KCNH7: variants seen among roughly 807,000 people sequenced by gnomAD.
The protein encoded by KCNH7 is potassium voltage-gated channel subfamily H member 7.
Under a neutral mutation model 120.8 loss-of-function variants are expected in KCNH7, and 49 were observed. That is an observed-to-expected ratio of 0.41 (90% CI 0.32 to 0.51). The LOEUF is 0.51. KCNH7 is among the 20% of genes least tolerant of loss of function. The probability of loss-of-function intolerance (pLI) is 0.38; values close to 1 mark genes in which losing one functional copy is unlikely to be tolerated. For synonymous variants in KCNH7, 547 were observed against 516.1 expected, an observed-to-expected ratio of 1.06 and a Z score of -0.81; for missense variants, 1,097 against 1,446.6, an observed-to-expected ratio of 0.76 and a Z score of 3.92.
intron 6 of KCNH7, among the ~76,000 whole-genome samples, chr2:162,471,991 G>A (rs1689554897): frequency 6.6e-6 from 1 of 152,178 alleles, no homozygotes; most frequent in African/African-American, 2.4e-5. Context: ...ATGGAGAAAG[G>A]ATTCCCTATT....
intron 2 of KCNH7, among the ~76,000 whole-genome samples, chr2:162,782,033 G>A (rs1211691776): frequency 6.6e-6 from 1 of 152,122 alleles, no homozygotes; most frequent in Non-Finnish European, 1.5e-5. Flanking sequence ...ATTAGACCTT[G>A]CATTCATGAC....
At chr2:162,701,845 A>T (rs772946729) in intron 2 of KCNH7, among the ~76,000 whole-genome samples, 14 of 152,168 alleles carry the variant, frequency 9.2e-5, no homozygotes, top group Non-Finnish European at 1.9e-4. Flanking sequence ...CATCTCTACT[A>T]AAAATACAAA....
chr2:162,533,921 A>G (rs767599453), intron 3 of KCNH7, among the ~76,000 whole-genome samples: 13 of 151,538 alleles, frequency 8.6e-5, no homozygotes, highest in Non-Finnish European at 1.8e-4. Flanking sequence ...CAAATAATAA[A>G]CCACGGGCAA....
intron 6 of KCNH7, among the ~76,000 whole-genome samples, chr2:162,484,941 A>G (rs1464432333): frequency 6.6e-6 from 1 of 152,168 alleles, no homozygotes; most frequent in African/African-American, 2.4e-5. Context: ...CCAGCCATCC[A>G]GAATCATGAG....
chr2:162,737,386 A>G (rs1005921093), intron 2 of KCNH7, among the ~76,000 whole-genome samples: 11 of 152,154 alleles, frequency 7.2e-5, no homozygotes, highest in African/African-American at 1.9e-4. Flanking sequence ...GAAAGAGGAC[A>G]GGAGACATGG....
In KCNH7 at chr2:162,652,274, C is replaced by A. The variant is rs916192128; in HGVS notation, c.308-115194G>T. ...CTAAACTTTTGAAGCCTTTAACTTA[C>A]CTTCCTGAAAATGGGAATGATAATA... On this transcript the variant is annotated intron_variant, in intron 2 of 15. Transcript: ENST00000332142. Among the ~76,000 whole-genome samples, 20 of 152,124 alleles carry A rather than the reference C, an allele frequency of 1.3e-4. 1 individual carries two copies. The highest frequency in any genetic ancestry group is 1.3e-3 in the Admixed American group (20 of 15,268).
intron 6 of KCNH7, among the ~76,000 whole-genome samples, chr2:162,486,391 T>G (rs1261812817): frequency 1.3e-5 from 2 of 152,146 alleles, no homozygotes; most frequent in Non-Finnish European, 2.9e-5. Context: ...GCAGCCCACA[T>G]TTTTCCCTTT....
intron 6 of KCNH7, among the ~76,000 whole-genome samples, chr2:162,464,531 T>C (rs1689248000): frequency 6.6e-6 from 1 of 152,014 alleles, no homozygotes; most frequent in South Asian, 2.1e-4. Flanking sequence ...AGCCTAATAA[T>C]TGTGTAATAA....
chr2:162,527,917 T>G (rs1691770332), intron 3 of KCNH7: 4 of 152,000 alleles, frequency 2.6e-5, no homozygotes, highest in Admixed American at 2.6e-4. Context: ...ACCATGGTTT[T>G]CATACCTTCT....
intron 12 of KCNH7, among the ~76,000 whole-genome samples, chr2:162,391,558 A>G (rs1397414268): frequency 6.6e-6 from 1 of 151,874 alleles, no homozygotes; most frequent in Non-Finnish European, 1.5e-5. Context: ...AAAATCCCTT[A>G]GCATCTACAC....
At chr2:162,534,760 A>C (rs1400758020) in intron 3 of KCNH7, among the ~76,000 whole-genome samples, 1 of 151,694 alleles carries the variant, frequency 6.6e-6, no homozygotes, top group Non-Finnish European at 1.5e-5. Context: ...TTTTTGAAGG[A>C]ATTATAATAT....
chr2:162,645,053 G>A (rs917041653), intron 2 of KCNH7, among the ~76,000 whole-genome samples: 1 of 152,026 alleles, frequency 6.6e-6, no homozygotes, highest in African/African-American at 2.4e-5. Context: ...TTTCTGCTCT[G>A]TTTTAGCAAA....
intron 6 of KCNH7, among the ~76,000 whole-genome samples, chr2:162,491,179 C>G (rs1690292137): frequency 6.6e-6 from 1 of 152,198 alleles, no homozygotes. Flanking sequence ...TCTGGTTGAG[C>G]CAAGAGGGTA....
chr2:162,409,295 T>C (rs141811347), intron 9 of KCNH7, among the ~76,000 whole-genome samples: 174 of 151,966 alleles, frequency 1.1e-3, no homozygotes, highest in African/African-American at 4.0e-3. Flanking sequence ...AAGAAGCTTA[T>C]GTGGAATTGT....
chr2:162,539,838 C>T (rs929650003), intron 2 of KCNH7, among the ~76,000 whole-genome samples: 1 of 151,920 alleles, frequency 6.6e-6, no homozygotes, highest in Non-Finnish European at 1.5e-5. Flanking sequence ...GCATAGCCTC[C>T]CGGAAGGCAG....
intron 10 of KCNH7, among the ~76,000 whole-genome samples, chr2:162,399,931 A>G (rs999548252): frequency 2.0e-5 from 3 of 151,946 alleles, no homozygotes; most frequent in Admixed American, 1.3e-4. Context: ...TTGGCCTCAA[A>G]TGTCTAGGTA....
At chr2:162,374,698 A>G (rs1167339597) in intron 14 of KCNH7, among the ~76,000 whole-genome samples, 1 of 152,180 alleles carries the variant, frequency 6.6e-6, no homozygotes, top group African/African-American at 2.4e-5. Context: ...CCTGGAAAAC[A>G]TGAGAAAATA....
At position 162,421,205 on chromosome 2, in the gene KCNH7, G is replaced by A. The variant is rs149735393; in HGVS notation, c.2154+2131C>T. Among the ~76,000 whole-genome samples, 54 of 152,176 alleles carry A rather than the reference G, an allele frequency of 3.5e-4. No homozygotes were observed. The East Asian group carries it at 0.01, about 28-fold the overall frequency. ...GTTTAGAGCTCACACACTCCAGGACGATGTAATACAGGCATGCAGATGAGA... is the reference window on the plus strand; with the variant it reads ...GTTTAGAGCTCACACACTCCAGGACAATGTAATACAGGCATGCAGATGAGA... On this transcript the variant is annotated intron_variant, in intron 9 of 15. Transcript: ENST00000332142.
intron 11 of KCNH7, 118 bp downstream of exon 11, chr2:162,396,622 T>G: frequency 1.4e-6 from 1 of 716,024 alleles, no homozygotes; most frequent in Non-Finnish European, 2.3e-6. Flanking sequence ...CTTCCAAATA[T>G]TCAGAATTGG....
Sources: gnomAD v4.1 joint callset for allele counts (sites outside exome capture counted in the v4.1 genomes callset) on GRCh38, gnomAD v4.1.1 for gene constraint, MANE v1.5 for transcripts, NCBI Gene and HGNC (gene_info 2026-07-23, HGNC 2026-07-21) for gene names.